Variants in RAB28 observed in about 807,000 individuals in gnomAD.
The protein encoded by RAB28 is ras-related protein Rab-28.
Under a neutral mutation model 31.7 loss-of-function variants are expected in RAB28, and 24 were observed. The ratio of observed to expected loss-of-function variants is 0.76; its 90% CI spans 0.55 to 1.06. The LOEUF (loss-of-function observed/expected upper bound fraction) is 1.06, where lower values mean the gene tolerates loss of function less well. RAB28 is among the 50% of genes least tolerant of loss of function. The probability of loss-of-function intolerance (pLI) is 0.00; values close to 1 mark genes in which losing one functional copy is unlikely to be tolerated. For synonymous variants in RAB28, 100 were observed against 90.4 expected, an observed-to-expected ratio of 1.11 and a Z score of -0.60; for missense variants, 254 against 258.5, an observed-to-expected ratio of 0.98 and a Z score of 0.12.
intron 4 of RAB28, among the ~76,000 whole-genome samples, chr4:13,432,238 A>T (rs1713848125): frequency 6.6e-6 from 1 of 152,136 alleles, no homozygotes; most frequent in African/African-American, 2.4e-5. Context: ...TCACACAAAA[A>T]TAAACAAAAA....
intron 3 of RAB28, chr4:13,473,861 C>A: frequency 2.7e-6 from 1 of 368,502 alleles, no homozygotes; most frequent in Admixed American, 4.0e-5. Context: ...AAAATACAGA[C>A]ATGTCTATTA....
intron 2 of RAB28, among the ~76,000 whole-genome samples, chr4:13,476,608 C>A (rs1716373156): frequency 6.6e-6 from 1 of 151,282 alleles, no homozygotes; most frequent in Non-Finnish European, 1.5e-5. Context: ...AGCAAAATCC[C>A]ATGAGGATAT....
intron 4 of RAB28, among the ~76,000 whole-genome samples, chr4:13,438,563 T>C (rs1714254752): frequency 6.6e-6 from 1 of 152,220 alleles, no homozygotes; most frequent in South Asian, 2.1e-4. Flanking sequence ...CTTTTATTTA[T>C]AATAATCTTT....
intron 4 of RAB28, chr4:13,459,932 G>A (rs1022867850): frequency 2.3e-6 from 3 of 1,287,524 alleles, no homozygotes; most frequent in Non-Finnish European, 3.0e-6. Context: ...TAGACCACAG[G>A]AAGCCAAAAC....
intron 4 of RAB28, among the ~76,000 whole-genome samples, chr4:13,452,873 G>A (rs1343249406): frequency 6.6e-6 from 1 of 152,040 alleles, no homozygotes; most frequent in Admixed American, 6.5e-5. Context: ...GTAGGGTGCT[G>A]AAGTCAACAA....
intron 4 of RAB28, among the ~76,000 whole-genome samples, chr4:13,387,678 C>T (rs1425171347): frequency 2.6e-5 from 4 of 151,944 alleles, no homozygotes; most frequent in African/African-American, 9.7e-5. Flanking sequence ...ACAATGAAAT[C>T]TGAAGAAAAT....
chr4:13,392,796 A>G (rs1330525367), intron 4 of RAB28, among the ~76,000 whole-genome samples: 1 of 152,218 alleles, frequency 6.6e-6, no homozygotes, highest in Non-Finnish European at 1.5e-5. Flanking sequence ...AAATACGTTA[A>G]TTAGCTTGAT....
chr4:13,385,900 A>C (rs1159536640), intron 4 of RAB28, among the ~76,000 whole-genome samples: 1 of 152,188 alleles, frequency 6.6e-6, no homozygotes, highest in Non-Finnish European at 1.5e-5. Flanking sequence ...TAAGACCAGA[A>C]ACTGTGAAAT....
At chr4:13,408,975 T>C (rs1342337272) in intron 4 of RAB28, among the ~76,000 whole-genome samples, 4 of 152,214 alleles carry the variant, frequency 2.6e-5, no homozygotes, top group Admixed American at 2.6e-4. Flanking sequence ...TAAGAAGTTA[T>C]GAAGTTATTC....
chr4:13,455,626 G>C (rs1380651727), intron 4 of RAB28, among the ~76,000 whole-genome samples: 2 of 152,244 alleles, frequency 1.3e-5, no homozygotes, highest in African/African-American at 4.8e-5. Flanking sequence ...AGGCGTGGGT[G>C]GGGAGTGAGG....
chr4:13,408,359 A>C (rs919987700), intron 4 of RAB28, among the ~76,000 whole-genome samples: 1 of 152,212 alleles, frequency 6.6e-6, no homozygotes, highest in African/African-American at 2.4e-5. Context: ...CCAAGGATGA[A>C]GCCAACTTGA....
At chr4:13,460,589 T>C in intron 4 of RAB28, 110 bp downstream of exon 4, 1 of 1,345,058 alleles carries the variant, frequency 7.4e-7, no homozygotes, top group African/African-American at 1.5e-5. Flanking sequence ...CACCATCATT[T>C]TGGGGATTAG....
intron 4 of RAB28, among the ~76,000 whole-genome samples, chr4:13,441,061 C>T (rs1258694652): frequency 1.3e-5 from 2 of 151,876 alleles, no homozygotes; most frequent in African/African-American, 4.8e-5. Flanking sequence ...TTTTTTCCCT[C>T]GCTGTGATAC....
chr4:13,483,788 C>T (rs1048993765), intron 1 of RAB28, among the ~76,000 whole-genome samples: 2 of 152,216 alleles, frequency 1.3e-5, no homozygotes, highest in African/African-American at 4.8e-5. Flanking sequence ...CAAATCCCTG[C>T]CAGTCCTGAG....
At chr4:13,419,800 G>C (rs1713014782) in intron 4 of RAB28, among the ~76,000 whole-genome samples, 1 of 152,100 alleles carries the variant, frequency 6.6e-6, no homozygotes, top group Non-Finnish European at 1.5e-5. Context: ...GAGAAAGCAG[G>C]AAAGATCTAA....
At chr4:13,427,537 T>G (rs1313100802) in intron 4 of RAB28, among the ~76,000 whole-genome samples, 1 of 152,160 alleles carries the variant, frequency 6.6e-6, no homozygotes, top group Non-Finnish European at 1.5e-5. Context: ...AATTAAAAAT[T>G]AGTGGAAACA....
At chr4:13,476,523 T>C (rs1716366014) in intron 2 of RAB28, among the ~76,000 whole-genome samples, 1 of 151,532 alleles carries the variant, frequency 6.6e-6, no homozygotes. Flanking sequence ...AGAAATATAT[T>C]TTTAACTCCA....
intron 4 of RAB28, among the ~76,000 whole-genome samples, chr4:13,409,589 G>T (rs1021454544): frequency 6.6e-6 from 1 of 152,136 alleles, no homozygotes; most frequent in Non-Finnish European, 1.5e-5. Flanking sequence ...AGGAACTGCT[G>T]GTCCACATGA....
chr4:13,482,750 C>G (rs1716669370), intron 1 of RAB28, among the ~76,000 whole-genome samples: 1 of 152,110 alleles, frequency 6.6e-6, no homozygotes, highest in Admixed American at 6.5e-5. Flanking sequence ...CTTTAAAAAT[C>G]TGTAACAAAG....
Sources: allele counts gnomAD v4.1 joint callset (sites outside exome capture counted in the v4.1 genomes callset), GRCh38; gene constraint gnomAD v4.1.1; transcripts MANE v1.5; gene names NCBI Gene and HGNC (gene_info 2026-07-23, HGNC 2026-07-21).